The following DLG2 variants were observed in gnomAD, a reference collection of about 807,000 sequenced individuals.
DLG2 encodes the protein disks large homolog 2.
A neutral mutation model predicts 132.5 loss-of-function variants in DLG2; 45 were observed. The ratio of observed to expected loss-of-function variants is 0.34; its 90% CI spans 0.27 to 0.44. The LOEUF (loss-of-function observed/expected upper bound fraction) is 0.44, where lower values mean the gene tolerates loss of function less well. Among genes scored for constraint, DLG2 ranks in the 20% least tolerant of loss-of-function variants. DLG2 has a pLI of 1.00. For missense variants in DLG2, 1,045 were observed against 1,196.9 expected (o/e 0.87, Z 1.87); for synonymous variants, 424 against 419.6 (o/e 1.01, Z -0.13).
intron 19 of DLG2, among the ~76,000 whole-genome samples, chr11:83,584,751 G>T (rs1356975601): frequency 6.6e-6 from 1 of 152,162 alleles, no homozygotes; most frequent in African/African-American, 2.4e-5. Context: ...GATGGAGAAG[G>T]GTGAGAATGG....
At chr11:83,592,924 C>G (rs1305185016) in intron 19 of DLG2, among the ~76,000 whole-genome samples, 1 of 148,712 alleles carries the variant, frequency 6.7e-6, no homozygotes, top group Non-Finnish European at 1.5e-5. Flanking sequence ...CAGAGAAATG[C>G]AAATCAAAAC....
chr11:84,369,878 A>G lies in DLG2; in HGVS notation c.520-118587T>C, dbSNP rs181728435. On this transcript the variant is annotated intron_variant, in intron 7 of 27. Transcript: ENST00000376104. ...GCAGATACATTTGATATTCACAACA[A>G]TATATGGGGTAAACTTTATCCCTTC... Among the ~76,000 whole-genome samples, 206 of 152,266 alleles carry G rather than the reference A, an allele frequency of 1.4e-3. 1 individual carries two copies. The highest frequency in any genetic ancestry group is 3.4e-3 in the Middle Eastern group (1 of 294).
At chr11:83,543,614 A>T (rs1239260408) in intron 19 of DLG2, among the ~76,000 whole-genome samples, 5 of 152,178 alleles carry the variant, frequency 3.3e-5, no homozygotes, top group Admixed American at 2.6e-4. Context: ...GACAATGATG[A>T]TAGCAATACC....
At chr11:84,658,661 T>C (rs2099691072) in intron 6 of DLG2, among the ~76,000 whole-genome samples, 1 of 152,112 alleles carries the variant, frequency 6.6e-6, no homozygotes, top group Admixed American at 6.6e-5. Context: ...GAGTTGGTTG[T>C]TTAAAAGAGT....
intron 16 of DLG2, among the ~76,000 whole-genome samples, chr11:83,870,002 C>G (rs117516044): frequency 1.3e-5 from 2 of 152,160 alleles, no homozygotes; most frequent in African/African-American, 4.8e-5. Flanking sequence ...GGTTTTTGCA[C>G]GTGATTTTAT....
chr11:85,588,398 T>C (rs934993251), intron 3 of DLG2, among the ~76,000 whole-genome samples: 1 of 152,166 alleles, frequency 6.6e-6, no homozygotes, highest in African/African-American at 2.4e-5. Flanking sequence ...TTGTCTTTTT[T>C]GGATTAGGTT....
chr11:84,905,435 T>C (rs1244808446), intron 6 of DLG2, among the ~76,000 whole-genome samples: 2 of 152,216 alleles, frequency 1.3e-5, no homozygotes, highest in South Asian at 4.1e-4. Context: ...ACTTCTGAGA[T>C]ATTTTAATTT....
At chr11:84,721,281 A>G (rs1374356560) in intron 6 of DLG2, among the ~76,000 whole-genome samples, 2 of 152,164 alleles carry the variant, frequency 1.3e-5, no homozygotes, top group Non-Finnish European at 2.9e-5. Context: ...CTGGTGCCCT[A>G]CGAGGTTGAC....
chr11:83,924,263 A>T (rs963376704), intron 15 of DLG2, among the ~76,000 whole-genome samples: 6 of 152,176 alleles, frequency 3.9e-5, no homozygotes, highest in Non-Finnish European at 8.8e-5. Context: ...ACTTTGAAAC[A>T]GTTAAAACAT....
chr11:85,362,574 CTTCCTCTT>C (rs2084243464), intron 3 of DLG2, among the ~76,000 whole-genome samples: 2 of 151,808 alleles, frequency 1.3e-5, no homozygotes, highest in Admixed American at 6.6e-5. Context: ...AATAATTTGA[CTTCCTCTT>C]TTCCAATTTG....
At chr11:83,497,227 G>C (rs117586527) in intron 21 of DLG2, among the ~76,000 whole-genome samples, 2 of 152,112 alleles carry the variant, frequency 1.3e-5, no homozygotes, top group South Asian at 2.1e-4. Context: ...CTGGTGAAAG[G>C]GGGGAGAAGT....
At chr11:85,188,338 C>T (rs2152525376) in intron 4 of DLG2, among the ~76,000 whole-genome samples, 2 of 152,270 alleles carry the variant, frequency 1.3e-5, no homozygotes, top group South Asian at 2.1e-4. Flanking sequence ...AAAGAGATTA[C>T]ATAGATTGAA....
chr11:85,093,202 A>T (rs2069109296), intron 6 of DLG2, among the ~76,000 whole-genome samples: 1 of 152,188 alleles, frequency 6.6e-6, no homozygotes, highest in Non-Finnish European at 1.5e-5. Flanking sequence ...GGGCTTGTTG[A>T]AATATATTTA....
intron 14 of DLG2, among the ~76,000 whole-genome samples, chr11:83,958,568 G>A (rs2154153680): frequency 6.6e-6 from 1 of 152,068 alleles, no homozygotes; most frequent in East Asian, 1.9e-4. Context: ...TGGGAAATTA[G>A]GTCCCTACAT....
At chr11:83,753,875 G>C (rs12287189) in intron 18 of DLG2, among the ~76,000 whole-genome samples, 323 of 14,372 alleles carry the variant, frequency 0.022, 15 homozygotes, top group African/African-American at 0.15. Context: ...TCATATATAT[G>C]ATATATATCA....
intron 6 of DLG2, among the ~76,000 whole-genome samples, chr11:84,692,943 C>G (rs758539675): frequency 6.6e-6 from 1 of 151,742 alleles, no homozygotes; most frequent in African/African-American, 2.4e-5. Context: ...TGAGACTTAG[C>G]GAAGTTATAT....
At chr11:84,191,069 T>C (rs551554701) in intron 8 of DLG2, among the ~76,000 whole-genome samples, 35 of 152,292 alleles carry the variant, frequency 2.3e-4, no homozygotes, top group African/African-American at 8.2e-4. Context: ...AATTGCAGTT[T>C]GGTTTGTGGT....
At chr11:83,682,043 G>C in intron 18 of DLG2, 1 of 729,026 alleles carries the variant, frequency 1.4e-6, no homozygotes, top group Non-Finnish European at 1.7e-6. Flanking sequence ...TGTGGAATTT[G>C]TCAGGAGCCC....
intron 19 of DLG2, among the ~76,000 whole-genome samples, chr11:83,559,810 C>T (rs573864645): frequency 3.4e-4 from 51 of 152,112 alleles, no homozygotes; most frequent in Non-Finnish European, 6.6e-4. Flanking sequence ...GCCTGGCACT[C>T]CAGCAGCCAA....
Sources: gnomAD v4.1 joint callset for allele counts (sites outside exome capture counted in the v4.1 genomes callset) on GRCh38, gnomAD v4.1.1 for gene constraint, MANE v1.5 for transcripts, NCBI Gene and HGNC (gene_info 2026-07-23, HGNC 2026-07-21) for gene names.